GCNT3: variants seen among roughly 807,000 people sequenced by gnomAD.
GCNT3 encodes the protein beta-1,3-galactosyl-O-glycosyl-glycoprotein beta-1,6-N-acetylglucosaminyltransferase 3.
For missense variants in GCNT3, 708 were observed against 530.3 expected (o/e 1.34, Z -3.29); for synonymous variants, 269 against 195.2 (o/e 1.38, Z -3.15).
Position 59,616,882 on chromosome 15 carries a change from G to A in GCNT3, c.-61+1G>A, listed in dbSNP as rs1248297697. The A allele has an allele frequency of 6.6e-6, 1 of 152,080 alleles. No individual in the cohort carries two copies. The highest frequency in any genetic ancestry group is 1.5e-5 in the Non-Finnish European group (1 of 68,016). The allele number at this position is 152,080 out of a possible 1,614,324, so 9.4% of individuals were successfully genotyped here. ...CTAAGCAGGAGAGAAGCTACTAAAGGTGAGAATTTTCTTCATTTTTCATTT... is the reference window on the plus strand; with the variant it reads ...CTAAGCAGGAGAGAAGCTACTAAAGATGAGAATTTTCTTCATTTTTCATTT... On this transcript the variant is annotated splice_donor_variant, in intron 2 of 2. Coordinates refer to ENST00000396065, the MANE Select transcript of GCNT3 (RefSeq NM_004751.3). LOFTEE classifies it low-confidence loss of function (5UTR_SPLICE).
rs925757313 is a variant in GCNT3, at chr15:59,620,113, T to A, written c.*558T>A. The A allele has an allele frequency of 6.0e-6, 1 of 167,396 alleles. No individual in the cohort carries two copies. The highest frequency in any genetic ancestry group is 1.5e-5 in the Non-Finnish European group (1 of 68,392). The allele number at this position is 167,396 out of a possible 1,614,324, so 10.4% of individuals were successfully genotyped here. On this transcript the variant is annotated 3_prime_UTR_variant, in exon 3 of 3. Coordinates refer to ENST00000396065, the MANE Select transcript of GCNT3 (RefSeq NM_004751.3). ...AACTATTCATGACATTTAAAATCCCTAGGGGCTGGCAAGAGAGTTCTCATT... is the reference window on the plus strand; with the variant it reads ...AACTATTCATGACATTTAAAATCCCAAGGGGCTGGCAAGAGAGTTCTCATT...
At chr15:59,613,334 A>G (rs2082704598) in intron 1 of GCNT3, among the ~76,000 whole-genome samples, 1 of 152,046 alleles carries the variant, frequency 6.6e-6, no homozygotes, top group African/African-American at 2.4e-5. Context: ...TCTCAACAAA[A>G]TAGAGCCACG....
chr15:59,616,056 G>C (rs1414069826), intron 1 of GCNT3, among the ~76,000 whole-genome samples: 1 of 152,168 alleles, frequency 6.6e-6, no homozygotes, highest in Admixed American at 6.5e-5. Flanking sequence ...TCTCACTGAA[G>C]TCCAACAGCC....
chr15:59,614,000 C>T (rs1314175024), intron 1 of GCNT3, among the ~76,000 whole-genome samples: 2 of 152,062 alleles, frequency 1.3e-5, no homozygotes, highest in East Asian at 1.9e-4. Flanking sequence ...TGGGTGACAG[C>T]GAGACCCTGT....
At chr15:59,616,274 C>A (rs1272569353) in intron 1 of GCNT3, among the ~76,000 whole-genome samples, 1 of 152,064 alleles carries the variant, frequency 6.6e-6, no homozygotes, top group African/African-American at 2.4e-5. Flanking sequence ...CATTGATGTG[C>A]TTTTTTTAAA....
chr15:59,619,525 TTA>T lies in GCNT3; in HGVS notation c.1290_1291del (p.Tyr430Ter). 6.2e-7 allele frequency: 1 copy of T among 1,605,236 alleles called. No homozygotes were observed. Among genetic ancestry groups the T allele is most frequent in the Non-Finnish European group, 8.5e-7 (1 of 1,173,530 alleles). ...TTCAGTGCTTAGAAGAATACCTACGTTATAAGGCCATCTATGGGACTGAACTT... is the reference window on the plus strand; with the variant it reads ...TTCAGTGCTTAGAAGAATACCTACGTTAAGGCCATCTATGGGACTGAACTT... ...ALQCLEEYLR[Y>X]KAIYGTEL On this transcript the variant is annotated frameshift_variant, in exon 3 of 3. Transcript: ENST00000396065. LOFTEE classifies it high-confidence loss of function.
rs1215074603 is a variant in GCNT3, at chr15:59,619,105, T to C, written c.867T>C (p.Asn289=). ...AGAAGAAGGATCCTCCCCCTTATAA[T>C]TTAACTATGTTTACAGGGAATGCGT... ...TNKKKDPPPY[N]LTMFTGNAYI... The change falls in exon 3 of 3, where the codon AAT becomes AAC. Residue 289 remains asparagine, a synonymous_variant. Coordinates refer to ENST00000396065, the MANE Select transcript of GCNT3 (RefSeq NM_004751.3). 1.2e-6 allele frequency: 2 copies of C among 1,614,162 alleles called. No individual in the cohort carries two copies. Among genetic ancestry groups the C allele is most frequent in the Admixed American group, 3.3e-5 (2 of 60,020 alleles).
At position 59,619,068 on chromosome 15, in the gene GCNT3, A is replaced by G. The variant is rs141719621; in HGVS notation, c.830A>G (p.His277Arg). The G allele has an allele frequency of 1.5e-4, 243 of 1,614,076 alleles. 1 individual carries two copies. In the African/African-American group the frequency reaches 2.7e-3, roughly 18 times the overall value. Residue 277 changes from histidine to arginine, a missense_variant, in exon 3 of 3, where the codon CAC (histidine) becomes CGC (arginine). By Grantham distance (29) the His-to-Arg change is conservative. Transcript: ENST00000396065. ...YHFEVVRDTLHLTNKKKDPPP... is the reference protein window; with the variant it reads ...YHFEVVRDTLRLTNKKKDPPP... ...TTTGAGGTAGTGAGAGACACATTAC[A>G]CCTAACCAACAAGAAGAAGGATCCT...
At position 59,622,385 on chromosome 15, in the gene GCNT3, T is replaced by A. The variant is rs531479950; in HGVS notation, c.*2830T>A. The A allele has an allele frequency of 4.6e-5, 7 of 152,300 alleles. No individual in the cohort carries two copies. In the East Asian group the frequency reaches 1.2e-3, roughly 25 times the overall value. 9.4% of individuals were successfully genotyped at this position (152,300 alleles called of 1,614,324 possible). A position where few individuals can be genotyped will look rare whatever the true frequency, so the allele number is the denominator to read the frequency against. Reference sequence around the variant, plus strand: ...GATAATGGTCATTGTCACTACCAACTTGCCTGCATTGTAATAGAGTCCTAT... The same window carrying A: ...GATAATGGTCATTGTCACTACCAACATGCCTGCATTGTAATAGAGTCCTAT... On this transcript the variant is annotated 3_prime_UTR_variant, in exon 3 of 3. Transcript: ENST00000396065.
At position 59,621,464 on chromosome 15, in the gene GCNT3, C is replaced by G. The variant is rs1298742486; in HGVS notation, c.*1909C>G. ...TAGGCAGTGCCCTTTGAATATAGTA[C>G]AGCTCATCTTCTGCATACGATATGC... On this transcript the variant is annotated 3_prime_UTR_variant, in exon 3 of 3. Coordinates refer to ENST00000396065, the MANE Select transcript of GCNT3 (RefSeq NM_004751.3). 1 of 151,570 alleles carries G rather than the reference C, an allele frequency of 6.6e-6. No individual in the cohort carries two copies. The highest frequency in any genetic ancestry group is 2.4e-5 in the African/African-American group (1 of 41,260). The allele number at this position is 151,570 out of a possible 1,614,324, so 9.4% of individuals were successfully genotyped here.
Position 59,619,627 on chromosome 15 carries a change from G to C in GCNT3, c.*72G>C. Reference sequence around the variant, plus strand: ...AACATGCTCAGAACTTGCTGGGACAGTGTGGGTGGGAGACCAGGGCTTTGC... The same window carrying C: ...AACATGCTCAGAACTTGCTGGGACACTGTGGGTGGGAGACCAGGGCTTTGC... On this transcript the variant is annotated 3_prime_UTR_variant, in exon 3 of 3. Coordinates refer to ENST00000396065, the MANE Select transcript of GCNT3 (RefSeq NM_004751.3). 2 of 972,474 alleles carry C rather than the reference G, an allele frequency of 2.1e-6. No individual in the cohort carries two copies. Among genetic ancestry groups the C allele is most frequent in the South Asian group, 3.1e-5 (2 of 64,530 alleles). The allele number at this position is 972,474 out of a possible 1,614,324, so 60.2% of individuals were successfully genotyped here.
chr15:59,618,660 A>C lies in GCNT3; in HGVS notation c.422A>C (p.Glu141Ala), dbSNP rs1462405332. 1 of 1,614,196 alleles carries C rather than the reference A, an allele frequency of 6.2e-7. No individual in the cohort carries two copies. The highest frequency in any genetic ancestry group is 1.1e-5 in the South Asian group (1 of 91,076). The change falls in exon 3 of 3, where the codon GAG becomes GCG. Residue 141 changes from glutamate to alanine, a missense_variant. Coordinates refer to ENST00000396065, the MANE Select transcript of GCNT3 (RefSeq NM_004751.3). ...ATTGCATACTCTATGGTGATTCATG[A>C]GAAGATTGAAAACTTTGAAAGGCTA... ...FPIAYSMVIH[E>A]KIENFERLLR...
intron 2 of GCNT3, among the ~76,000 whole-genome samples, chr15:59,617,164 TG>T (rs1239643718): frequency 1.1e-4 from 16 of 146,402 alleles, no homozygotes; most frequent in African/African-American, 3.5e-4. Context: ...ATTTTTCTTT[TG>T]TTTTCTTTCT....
At position 59,618,882 on chromosome 15, in the gene GCNT3, A is replaced by G. The variant is rs751059524; in HGVS notation, c.644A>G (p.Gln215Arg). The change falls in exon 3 of 3, where the codon CAG (glutamine) becomes CGG (arginine). Residue 215 changes from glutamine to arginine, a missense_variant. Physicochemically the swap from Gln to Arg is conservative, Grantham distance 43 (BLOSUM62 1). Transcript: ENST00000396065. Reference protein sequence around the residue: ...ADLNCMEDLLQSSVPWKYFLN... With the variant: ...ADLNCMEDLLRSSVPWKYFLN... ...CTCAACTGCATGGAAGACTTGCTCCAGAGCTCAGTGCCGTGGAAATACTTC... is the reference window on the plus strand; with the variant it reads ...CTCAACTGCATGGAAGACTTGCTCCGGAGCTCAGTGCCGTGGAAATACTTC... The G allele has an allele frequency of 1.1e-5, 18 of 1,614,212 alleles. No individual in the cohort carries two copies. The South Asian group carries it at 1.5e-4, about 14-fold the overall frequency.
In GCNT3 at chr15:59,620,530, C is replaced by G. The variant is rs981495742; in HGVS notation, c.*975C>G. 6.0e-6 allele frequency: 1 copy of G among 167,000 alleles called. No individual in the cohort carries two copies. Among genetic ancestry groups the G allele is most frequent in the South Asian group, 2.1e-4 (1 of 4,826 alleles). The allele number at this position is 167,000 out of a possible 1,614,324, so 10.3% of individuals were successfully genotyped here. A position where few individuals can be genotyped will look rare whatever the true frequency, so the allele number is the denominator to read the frequency against. On this transcript the variant is annotated 3_prime_UTR_variant, in exon 3 of 3. Coordinates refer to ENST00000396065, the MANE Select transcript of GCNT3 (RefSeq NM_004751.3). ...TGGTTCTTCCATTGTTAAAAGCCAT[C>G]CTCATTTTGTTTATATTGCCAGGTT...
In GCNT3 at chr15:59,613,167, T is replaced by C. The variant is rs77015864; in HGVS notation, c.-251+1186T>C. On this transcript the variant is annotated intron_variant, in intron 1 of 2. Transcript: ENST00000396065. Reference sequence around the variant, plus strand: ...CAAATATTAGCATTAGCTTCTATTATGCAAAAGAATTCACTAAAATACAGA... The same window carrying C: ...CAAATATTAGCATTAGCTTCTATTACGCAAAAGAATTCACTAAAATACAGA... 2.6e-4 allele frequency among the ~76,000 whole-genome samples: 39 copies of C among 152,238 alleles called. No homozygotes were observed. The East Asian group carries it at 5.2e-3, about 20-fold the overall frequency.
At position 59,619,436 on chromosome 15, in the gene GCNT3, T is replaced by G. The variant is rs1370117025; in HGVS notation, c.1198T>G (p.Trp400Gly). The G allele has an allele frequency of 6.8e-6, 11 of 1,614,120 alleles. No homozygotes were observed. Among genetic ancestry groups the G allele is most frequent in the Non-Finnish European group, 9.3e-6 (11 of 1,179,986 alleles). ...ICVYGAGDLNWMLQNHHLLAN... is the reference protein window; with the variant it reads ...ICVYGAGDLNGMLQNHHLLAN... ...CGTTTATGGGGCTGGGGACTTGAAT[T>G]GGATGCTTCAAAACCATCACCTGTT... Residue 400 changes from tryptophan (W) to glycine (G), a missense_variant, in exon 3 of 3, where the codon TGG (tryptophan) becomes GGG (glycine). Trp to Gly is a radical substitution (Grantham distance 184). Transcript: ENST00000396065.
intron 2 of GCNT3, among the ~76,000 whole-genome samples, chr15:59,617,665 C>T (rs2082725947): frequency 6.6e-6 from 1 of 152,190 alleles, no homozygotes; most frequent in African/African-American, 2.4e-5. Flanking sequence ...CTAGATGTCA[C>T]ATCTGACCAA....
Position 59,614,490 on chromosome 15 carries a change from T to TG in GCNT3, c.-250-2200dup, listed in dbSNP as rs540105615. ...GGGGACTACTGGTTGCCCATTTTAA[T>TG]GGTTATTTCTTGATGATACGCTAAA... On this transcript the variant is annotated intron_variant, in intron 1 of 2. Transcript: ENST00000396065. Among the ~76,000 whole-genome samples the TG allele has an allele frequency of 3.0e-3, 451 of 152,308 alleles. 2 individuals are homozygous for TG. The highest frequency in any genetic ancestry group is 0.01 in the African/African-American group (431 of 41,550).
Sources: allele counts gnomAD v4.1 joint callset (sites outside exome capture counted in the v4.1 genomes callset), GRCh38; gene constraint gnomAD v4.1.1; transcripts MANE v1.5; gene names NCBI Gene and HGNC (gene_info 2026-07-23, HGNC 2026-07-21).